ALMS1: variants seen among roughly 807,000 people sequenced by gnomAD.
ALMS1 encodes ALMS1 centrosome and basal body associated protein.
A neutral mutation model predicts 352.2 loss-of-function variants in ALMS1; 271 were observed. That is an observed-to-expected ratio of 0.77 (90% CI 0.70 to 0.85). The LOEUF is 0.85. ALMS1 is among the 40% of genes least tolerant of loss of function. The pLI, the probability that ALMS1 is intolerant of heterozygous loss-of-function variation, is 0.00. For missense variants in ALMS1, 5,445 were observed against 4,870.7 expected (o/e 1.12, Z -3.51); for synonymous variants, 1,865 against 1,761.2 (o/e 1.06, Z -1.48).
At chr2:73,600,014 A>G (rs183136331) in intron 17 of ALMS1, among the ~76,000 whole-genome samples, 1 of 152,380 alleles carries the variant, frequency 6.6e-6, no homozygotes, top group Non-Finnish European at 1.5e-5. Context: ...ACATAGAATG[A>G]GGAAGCTCTC....
intron 2 of ALMS1, among the ~76,000 whole-genome samples, chr2:73,415,733 C>T (rs1021739094): frequency 5.9e-5 from 9 of 152,094 alleles, no homozygotes; most frequent in Non-Finnish European, 1.2e-4. Flanking sequence ...GTGATTTCTC[C>T]AGCAACGTGC....
chr2:73,547,592 A>T (rs1674348568), intron 12 of ALMS1, among the ~76,000 whole-genome samples: 2 of 152,180 alleles, frequency 1.3e-5, no homozygotes, highest in Admixed American at 6.5e-5. Flanking sequence ...TTTATTTAAC[A>T]GGGTAGAGCA....
At chr2:73,467,197 G>C (rs931604353) in intron 9 of ALMS1, among the ~76,000 whole-genome samples, 1 of 152,122 alleles carries the variant, frequency 6.6e-6, no homozygotes, top group South Asian at 2.1e-4. Flanking sequence ...AGAGTGAAAA[G>C]TCAAGCTACA....
rs1373823483 is a variant in ALMS1, at chr2:73,449,936, C to CT, written c.3409_3410insT (p.Pro1137LeufsTer12). On this transcript the variant is annotated frameshift_variant, in exon 8 of 23. Transcript: ENST00000613296. LOFTEE classifies it high-confidence loss of function. ...ACTAGCAGACCAGAAGACTGGCACA[C>CT]CAACTGTAACCTCAACTTCCTACTC... The CT allele has an allele frequency of 6.2e-7, 1 of 1,613,784 alleles. No homozygotes were observed. The highest frequency in any genetic ancestry group is 8.5e-7 in the Non-Finnish European group (1 of 1,179,942).
At chr2:73,525,838 G>T (rs755244372) in intron 11 of ALMS1, among the ~76,000 whole-genome samples, 5 of 152,090 alleles carry the variant, frequency 3.3e-5, no homozygotes, top group Non-Finnish European at 5.9e-5. Flanking sequence ...TATTACTCAA[G>T]AAATCTTTGC....
At chr2:73,575,834 A>G (rs1675041222) in intron 16 of ALMS1, among the ~76,000 whole-genome samples, 1 of 144,898 alleles carries the variant, frequency 6.9e-6, no homozygotes, top group African/African-American at 2.7e-5. Context: ...TTAAATTTTG[A>G]TGTAGTCCAA....
intron 9 of ALMS1, among the ~76,000 whole-genome samples, chr2:73,467,808 G>T (rs978805730): frequency 1.1e-4 from 16 of 152,124 alleles, no homozygotes; most frequent in Middle Eastern, 3.4e-3. Flanking sequence ...TGTCACACAC[G>T]TTATGGTTAG....
intron 13 of ALMS1, among the ~76,000 whole-genome samples, chr2:73,553,342 G>A (rs1674476761): frequency 1.3e-5 from 2 of 152,182 alleles, no homozygotes; most frequent in South Asian, 4.1e-4. Context: ...AGGAAATGGA[G>A]GGGGCCAACA....
chr2:73,396,571 T>TTTTTTTTTTG (rs1670765505), intron 1 of ALMS1, among the ~76,000 whole-genome samples: 1 of 149,268 alleles, frequency 6.7e-6, no homozygotes. Flanking sequence ...TTTTTTTTTT[T>TTTTTTTTTTG]GCAGGATGGG....
chr2:73,392,260 ATGTGTGTGTGTGTGTG>A (rs60487895), intron 1 of ALMS1, among the ~76,000 whole-genome samples: 11 of 146,466 alleles, frequency 7.5e-5, no homozygotes, highest in Admixed American at 5.4e-4. Flanking sequence ...GTTTACTTTG[ATGTGTGTGTGTGTGTG>A]TGTGTGTGTG....
Position 73,452,685 on chromosome 2 carries a change from A to G in ALMS1, c.6158A>G (p.Lys2053Arg). 1.2e-6 allele frequency: 2 copies of G among 1,613,944 alleles called. No homozygotes were observed. The highest frequency in any genetic ancestry group is 1.7e-6 in the Non-Finnish European group (2 of 1,179,990). ...CATAGTTCCTATTCTCAAACAGTAA[A>G]GCCCAATATTTTATTTCAACAGCAG... The part of the protein sequence containing the change: ...AFHSSYSQTV[K>R]PNILFQQQLP... Residue 2053 changes from lysine to arginine, a missense_variant, in exon 8 of 23, where the codon AAG (lysine) becomes AGG (arginine). Lys to Arg is a conservative substitution (Grantham distance 26). Coordinates refer to ENST00000613296, the MANE Select transcript of ALMS1 (RefSeq NM_001378454.1).
chr2:73,459,355 T>A lies in ALMS1; in HGVS notation c.7674+4060T>A, dbSNP rs557731534. 2.0e-5 allele frequency: 3 copies of A among 152,342 alleles called. No individual in the cohort carries two copies. The East Asian group carries it at 5.8e-4, about 29-fold the overall frequency. 9.4% of individuals were successfully genotyped at this position (152,342 alleles called of 1,614,324 possible). A position where few individuals can be genotyped will look rare whatever the true frequency, so the allele number is the denominator to read the frequency against. ...CTGGTTTGTGTGTTTTACATATTAA[T>A]TAATAAGTTAATAAATATTAGGGAG... On this transcript the variant is annotated intron_variant, in intron 9 of 22. Coordinates refer to ENST00000613296, the MANE Select transcript of ALMS1 (RefSeq NM_001378454.1).
In ALMS1 at chr2:73,517,718, C is replaced by T. The variant is rs117793699; in HGVS notation, c.9540-2057C>T. On this transcript the variant is annotated intron_variant, in intron 10 of 22. Coordinates refer to ENST00000613296, the MANE Select transcript of ALMS1 (RefSeq NM_001378454.1). The stretch of plus-strand genomic sequence containing the variant: ...TGTTGCCCAAGTTGGAGTGCAATGG[C>T]GCAATCTCGGTTCATTGCAACCCCT... Among the ~76,000 whole-genome samples, 385 of 151,276 alleles carry T rather than the reference C, an allele frequency of 2.5e-3. 10 individuals carry two copies. The East Asian group carries it at 0.054, about 21-fold the overall frequency.
chr2:73,511,598 G>C (rs1673453504), intron 10 of ALMS1, among the ~76,000 whole-genome samples: 1 of 152,146 alleles, frequency 6.6e-6, no homozygotes, highest in African/African-American at 2.4e-5. Context: ...CTGCAGACTG[G>C]AGCTGTTCTA....
At chr2:73,531,293 GT>G (rs1673904963) in intron 11 of ALMS1, among the ~76,000 whole-genome samples, 1 of 152,170 alleles carries the variant, frequency 6.6e-6, no homozygotes, top group East Asian at 1.9e-4. Flanking sequence ...ATGCTTTGCT[GT>G]TTAGAAATTT....
intron 12 of ALMS1, 84 bp from the exon 13 acceptor site, chr2:73,550,183 G>C: frequency 6.9e-7 from 1 of 1,458,762 alleles, no homozygotes; most frequent in South Asian, 1.2e-5. Context: ...TCATAGAATT[G>C]GTCTAAGAGG....
intron 9 of ALMS1, among the ~76,000 whole-genome samples, chr2:73,485,822 G>A (rs1351839191): frequency 2.6e-5 from 4 of 152,154 alleles, no homozygotes; most frequent in Admixed American, 6.5e-5. Context: ...ATTCGGGTGG[G>A]AGTGACCCGA....
intron 13 of ALMS1, 21 bp from the exon 14 acceptor site, chr2:73,557,199 C>A: frequency 1.2e-6 from 2 of 1,613,810 alleles, no homozygotes; most frequent in South Asian, 2.2e-5. Context: ...TTTCTGAAAT[C>A]AAATGATGTC....
At chr2:73,551,059 A>G (rs1055448936) in intron 13 of ALMS1, among the ~76,000 whole-genome samples, 7 of 151,982 alleles carry the variant, frequency 4.6e-5, no homozygotes, top group South Asian at 2.1e-4. Flanking sequence ...GGGTCTCGCT[A>G]TGTTGCCTGG....
Sources: allele counts gnomAD v4.1 joint callset (sites outside exome capture counted in the v4.1 genomes callset), GRCh38; gene constraint gnomAD v4.1.1; transcripts MANE v1.5; gene names NCBI Gene and HGNC (gene_info 2026-07-23, HGNC 2026-07-21).